DLG2: variants seen among roughly 807,000 people sequenced by gnomAD.
The protein encoded by DLG2 is disks large homolog 2.
DLG2 carries 45 observed loss-of-function variants against 132.5 expected under a neutral mutation model. The ratio of observed to expected loss-of-function variants is 0.34; its 90% CI spans 0.27 to 0.44. The LOEUF (loss-of-function observed/expected upper bound fraction) is 0.44. Among genes scored for constraint, DLG2 ranks in the 20% least tolerant of loss-of-function variants. DLG2 has a pLI of 1.00. For missense variants in DLG2, 1,045 were observed against 1,196.9 expected, an observed-to-expected ratio of 0.87 and a Z score of 1.87; for synonymous variants, 424 against 419.6, an observed-to-expected ratio of 1.01 and a Z score of -0.13.
intron 6 of DLG2, among the ~76,000 whole-genome samples, chr11:85,094,877 T>G (rs1243091233): frequency 6.6e-6 from 1 of 152,222 alleles, no homozygotes; most frequent in Admixed American, 6.5e-5. Context: ...GCTTTCAACA[T>G]GCCTTCCTCA....
At chr11:84,138,949 A>C (rs1595967119) in intron 9 of DLG2, among the ~76,000 whole-genome samples, 1 of 12,022 alleles carries the variant, frequency 8.3e-5, no homozygotes, top group Non-Finnish European at 3.5e-4. Flanking sequence ...ACTCCATCTC[A>C]AAAAAAAAAA....
intron 6 of DLG2, among the ~76,000 whole-genome samples, chr11:84,624,660 T>C (rs2099619174): frequency 6.6e-6 from 1 of 151,380 alleles, no homozygotes; most frequent in Non-Finnish European, 1.5e-5. Flanking sequence ...GACTAAAGAT[T>C]TACTCATCAA....
At chr11:83,542,913 T>C (rs1220819878) in intron 19 of DLG2, among the ~76,000 whole-genome samples, 2 of 152,164 alleles carry the variant, frequency 1.3e-5, no homozygotes, top group Non-Finnish European at 2.9e-5. Flanking sequence ...ATAACCACTA[T>C]GTATGCAAAA....
chr11:83,649,958 C>A (rs2069591342), intron 18 of DLG2, among the ~76,000 whole-genome samples: 1 of 152,162 alleles, frequency 6.6e-6, no homozygotes, highest in African/African-American at 2.4e-5. Context: ...AGTTTTTTAA[C>A]TTTATTCAAA....
At chr11:84,230,645 T>C (rs1273492153) in intron 8 of DLG2, among the ~76,000 whole-genome samples, 1 of 152,072 alleles carries the variant, frequency 6.6e-6, no homozygotes, top group Non-Finnish European at 1.5e-5. Context: ...ACTGAATACA[T>C]GATCAACTCC....
At chr11:84,467,383 T>C (rs1371535344) in intron 7 of DLG2, among the ~76,000 whole-genome samples, 1 of 151,398 alleles carries the variant, frequency 6.6e-6, no homozygotes, top group South Asian at 2.1e-4. Context: ...AGAAAACTTA[T>C]TTATAGAAAA....
intron 7 of DLG2, among the ~76,000 whole-genome samples, chr11:84,394,995 G>A (rs2098806447): frequency 6.6e-6 from 1 of 152,108 alleles, no homozygotes; most frequent in Admixed American, 6.5e-5. Context: ...ATACTCACCA[G>A]TCCTCACCTA....
chr11:84,820,240 A>G (rs1447413322), intron 6 of DLG2, among the ~76,000 whole-genome samples: 8 of 151,838 alleles, frequency 5.3e-5, no homozygotes, highest in Admixed American at 3.9e-4. Context: ...ATTTTAATAT[A>G]AAGGCATGGA....
chr11:84,287,741 G>C (rs1251054544), intron 7 of DLG2, among the ~76,000 whole-genome samples: 1 of 139,188 alleles, frequency 7.2e-6, no homozygotes, highest in African/African-American at 2.7e-5. Context: ...CTCTCTCTTA[G>C]ACACACACAC....
At chr11:85,085,827 C>T (rs544275694) in intron 6 of DLG2, among the ~76,000 whole-genome samples, 15 of 152,194 alleles carry the variant, frequency 9.9e-5, no homozygotes, top group South Asian at 2.1e-4. Context: ...CACTACATTG[C>T]CTTCCTAGAA....
chr11:84,439,216 T>G (rs917324258), intron 7 of DLG2, among the ~76,000 whole-genome samples: 2 of 152,352 alleles, frequency 1.3e-5, no homozygotes. Flanking sequence ...TTTATTTATT[T>G]GTTTTCTCTG....
chr11:85,261,947 A>C (rs1042446845), intron 4 of DLG2, among the ~76,000 whole-genome samples: 4 of 152,124 alleles, frequency 2.6e-5, no homozygotes, highest in Admixed American at 2.6e-4. Flanking sequence ...TATGGCCTCA[A>C]CCTGTCCAGC....
intron 3 of DLG2, among the ~76,000 whole-genome samples, chr11:85,411,643 C>T (rs949790353): frequency 2.0e-5 from 3 of 151,664 alleles, no homozygotes; most frequent in Admixed American, 1.3e-4. Flanking sequence ...TTTGAGCATA[C>T]GAAATGGATA....
chr11:84,437,723 T>C, intron 7 of DLG2: 1 of 152,344 alleles, frequency 6.6e-6, no homozygotes, highest in Non-Finnish European at 1.5e-5. Flanking sequence ...GCTGCCTTTG[T>C]AGCCAGCTCA....
chr11:83,667,542 G>A (rs1328286392), intron 18 of DLG2, among the ~76,000 whole-genome samples: 3 of 152,150 alleles, frequency 2.0e-5, no homozygotes, highest in African/African-American at 4.8e-5. Context: ...GTCTCAGCAC[G>A]GTAGTTGGTC....
chr11:84,520,279 A>T (rs2099291982), intron 7 of DLG2, among the ~76,000 whole-genome samples: 1 of 152,192 alleles, frequency 6.6e-6, no homozygotes, highest in Non-Finnish European at 1.5e-5. Flanking sequence ...CTACCATGTC[A>T]TTGTGAGCTG....
chr11:83,981,080 A>G (rs1442415132), intron 11 of DLG2, among the ~76,000 whole-genome samples: 1 of 152,208 alleles, frequency 6.6e-6, no homozygotes, highest in African/African-American at 2.4e-5. Context: ...ACTGCCAATC[A>G]CTTGGGCAGA....
intron 6 of DLG2, among the ~76,000 whole-genome samples, chr11:84,904,175 C>T (rs1040736668): frequency 2.0e-5 from 3 of 152,130 alleles, no homozygotes; most frequent in African/African-American, 7.2e-5. Context: ...AGCAACTAGA[C>T]CCATACGCAC....
At chr11:85,364,362 T>C (rs992225877) in intron 3 of DLG2, among the ~76,000 whole-genome samples, 1 of 152,192 alleles carries the variant, frequency 6.6e-6, no homozygotes, top group Non-Finnish European at 1.5e-5. Context: ...TACCAGGGAA[T>C]CAAGAGATAC....
Sources: gnomAD v4.1 joint callset for allele counts (sites outside exome capture counted in the v4.1 genomes callset) on GRCh38, gnomAD v4.1.1 for gene constraint, MANE v1.5 for transcripts, NCBI Gene and HGNC (gene_info 2026-07-23, HGNC 2026-07-21) for gene names.